RAB33A: variants seen among roughly 807,000 people sequenced by gnomAD.
RAB33A encodes the protein RAB33A, member RAS oncogene family, also known as ras-related protein Rab-33A.
A neutral mutation model predicts 12.0 loss-of-function variants in RAB33A; 6 were observed. That is an observed-to-expected ratio of 0.50 (90% confidence interval 0.27 to 0.99). The LOEUF is 0.99. Ranked by LOEUF, RAB33A falls within the 50% of genes least tolerant of loss-of-function variation. RAB33A has a pLI of 0.11. For missense variants in RAB33A, 109 were observed against 192.0 expected (o/e 0.57, Z 2.55); for synonymous variants, 70 against 82.4 (o/e 0.85, Z 0.81).
the RAB33A span, among the ~76,000 whole-genome samples, chrX:130,111,912 C>T: frequency 3.6e-5 from 4 of 111,452 alleles, no homozygotes; most frequent in African/African-American, 1.3e-4. Flanking sequence ...CTGTATAGTT[C>T]CACGTGGCCT....
intron 1 of RAB33A, among the ~76,000 whole-genome samples, chrX:130,182,406 C>T (rs1436794844): frequency 5.5e-5 from 6 of 109,224 alleles, no homozygotes; most frequent in Non-Finnish European, 1.1e-4. Context: ...CCAGTCTGTG[C>T]TTTGCATATG....
At chrX:130,146,164 G>A in the RAB33A span, among the ~76,000 whole-genome samples, 26 of 111,925 alleles carry the variant, frequency 2.3e-4, no homozygotes, top group African/African-American at 8.1e-4. Flanking sequence ...TTGGCTGAGT[G>A]CAGTGGCTCA....
At chrX:130,148,878 A>ATCTTT in the RAB33A span, among the ~76,000 whole-genome samples, 1 of 96,746 alleles carries the variant, frequency 1.0e-5, no homozygotes, top group African/African-American at 3.9e-5. Flanking sequence ...TCTCTTTTCC[A>ATCTTT]TCTTTTCCAA....
At chrX:130,115,608 CAAAA>C in the RAB33A span, among the ~76,000 whole-genome samples, 46 of 89,931 alleles carry the variant, frequency 5.1e-4, no homozygotes, top group Non-Finnish European at 9.4e-4. Context: ...GAGAAACTGC[CAAAA>C]AGAAAGAAAG....
At chrX:130,151,690 A>G in the RAB33A span, among the ~76,000 whole-genome samples, 1 of 112,437 alleles carries the variant, frequency 8.9e-6, no homozygotes, top group Non-Finnish European at 1.9e-5. Flanking sequence ...TTATCTTGGT[A>G]TCAGATACTA....
the RAB33A span, chrX:130,147,414 C>T: frequency 4.3e-5 from 50 of 1,167,623 alleles, no homozygotes; most frequent in Non-Finnish European, 5.5e-5. Flanking sequence ...TATTACTGTA[C>T]ACAGTCAGTG....
chrX:130,115,378 C>T, the RAB33A span, among the ~76,000 whole-genome samples: 2 of 111,862 alleles, frequency 1.8e-5, no homozygotes, highest in African/African-American at 6.5e-5. Context: ...TTTGGGAAGC[C>T]GAGGCAGATG....
At chrX:130,153,074 T>G in the RAB33A span, among the ~76,000 whole-genome samples, 1 of 108,619 alleles carries the variant, frequency 9.2e-6, no homozygotes, top group African/African-American at 3.4e-5. Context: ...GGCTCACGCC[T>G]GTAATCCCAG....
At chrX:130,129,566 A>C in the RAB33A span, 1 of 1,210,558 alleles carries the variant, frequency 8.3e-7, no homozygotes, top group Non-Finnish European at 1.1e-6. Flanking sequence ...TTCAGTCTTC[A>C]TGAATGTTGA....
chrX:130,137,398 C>T, the RAB33A span: 7 of 1,156,427 alleles, frequency 6.1e-6, no homozygotes, highest in Non-Finnish European at 8.1e-6. Flanking sequence ...AACTGCTGGC[C>T]CCAGATTAAG....
chrX:130,148,190 G>A, the RAB33A span, among the ~76,000 whole-genome samples: 2 of 111,888 alleles, frequency 1.8e-5, no homozygotes, highest in African/African-American at 3.3e-5. Context: ...TACATCAGTA[G>A]GCTTTTGCCC....
the RAB33A span, among the ~76,000 whole-genome samples, chrX:130,152,009 A>T: frequency 9.0e-6 from 1 of 110,524 alleles, no homozygotes; most frequent in Non-Finnish European, 1.9e-5. Context: ...ACTGCACTCC[A>T]GCCTGGGCGA....
At chrX:130,169,028 A>G (rs2031576051), upstream of RAB33A, among the ~76,000 whole-genome samples, 1 of 109,969 alleles carries the variant, frequency 9.1e-6, no homozygotes. Flanking sequence ...TAACACAGTG[A>G]AACCCCGTCT....
chrX:130,158,704 TAAAAAAAAAA>T, the RAB33A span, among the ~76,000 whole-genome samples: 6 of 44,066 alleles, frequency 1.4e-4, no homozygotes, highest in East Asian at 2.0e-3. Context: ...GCTGATGAGC[TAAAAAAAAAA>T]AAAAAAAAAA....
At chrX:130,179,095 C>T (rs746963983) in intron 1 of RAB33A, among the ~76,000 whole-genome samples, 4 of 110,169 alleles carry the variant, frequency 3.6e-5, no homozygotes, top group East Asian at 2.8e-4. Context: ...TCCCCTCTCA[C>T]GACAGACACG....
chrX:130,148,060 T>C, the RAB33A span: 22 of 532,748 alleles, frequency 4.1e-5, no homozygotes, highest in Admixed American at 6.2e-4. Flanking sequence ...CAAGTATCCC[T>C]TTCATTTCAT....
At chrX:130,170,066 A>C (rs1477675816), upstream of RAB33A, among the ~76,000 whole-genome samples, 11 of 112,525 alleles carry the variant, frequency 9.8e-5, no homozygotes, top group Non-Finnish European at 1.9e-4. Context: ...TAGCCAACTA[A>C]GAGGAAATCC....
upstream of RAB33A, among the ~76,000 whole-genome samples, chrX:130,168,492 G>A (rs2031569834): frequency 9.0e-6 from 1 of 111,422 alleles, no homozygotes; most frequent in Non-Finnish European, 1.9e-5. Flanking sequence ...TGGATTACAG[G>A]CATGAGCCAC....
At chrX:130,116,168 C>T in the RAB33A span, among the ~76,000 whole-genome samples, 10 of 101,010 alleles carry the variant, frequency 9.9e-5, no homozygotes, top group African/African-American at 3.0e-4. Flanking sequence ...TGCAATGGCG[C>T]GATCTCAGCT....
Sources: allele counts gnomAD v4.1 joint callset (sites outside exome capture counted in the v4.1 genomes callset), GRCh38; gene constraint gnomAD v4.1.1; transcripts MANE v1.5; gene names NCBI Gene and HGNC (gene_info 2026-07-23, HGNC 2026-07-21).